Variants in SGCZ observed in about 807,000 individuals in gnomAD.
SGCZ encodes the protein sarcoglycan zeta.
In SGCZ, 40 loss-of-function variants were observed where a neutral mutation model predicts 41.3. The ratio of observed to expected loss-of-function variants is 0.97; its 90% confidence interval spans 0.75 to 1.26. The LOEUF is 1.26. Ranked by LOEUF, SGCZ falls within the 50% of genes most tolerant of loss-of-function variation. The pLI, the probability that SGCZ is intolerant of heterozygous loss-of-function variation, is 0.00. For missense variants in SGCZ, 552 were observed against 369.8 expected (o/e 1.49, Z -4.04); for synonymous variants, 206 against 137.5 (o/e 1.50, Z -3.49).
At chr8:15,061,995 A>T (rs1055783928) in intron 1 of SGCZ, among the ~76,000 whole-genome samples, 6 of 152,274 alleles carry the variant, frequency 3.9e-5, no homozygotes, top group African/African-American at 1.4e-4. Context: ...TCCAAAGTTT[A>T]TTATCTATGA....
chr8:14,209,786 G>A lies in SGCZ; in HGVS notation c.424+27806C>T, dbSNP rs538273474. ...AAACGAGAGCTGGGATCAAAGTTACGTTGGTATTTAAATATTTCTGAATTC... is the reference window on the plus strand; with the variant it reads ...AAACGAGAGCTGGGATCAAAGTTACATTGGTATTTAAATATTTCTGAATTC... On this transcript the variant is annotated intron_variant, in intron 4 of 7. Transcript: ENST00000382080. 5.9e-5 allele frequency among the ~76,000 whole-genome samples: 9 copies of A among 152,070 alleles called. No individual in the cohort carries two copies. The East Asian group carries it at 7.8e-4, about 13-fold the overall frequency.
At chr8:14,251,962 G>C (rs1254806787) in intron 3 of SGCZ, among the ~76,000 whole-genome samples, 2 of 151,912 alleles carry the variant, frequency 1.3e-5, no homozygotes, top group Non-Finnish European at 2.9e-5. Flanking sequence ...CTCCCACCTC[G>C]ACCTCCCAAA....
chr8:14,212,124 A>T lies in SGCZ; in HGVS notation c.424+25468T>A, dbSNP rs562353467. Among the ~76,000 whole-genome samples the T allele has an allele frequency of 9.9e-5, 15 of 152,164 alleles. No homozygotes were observed. In the South Asian group the frequency reaches 3.1e-3, roughly 32 times the overall value. ...TAGCAGACGATTACTGAGGCTTGGC[A>T]TCTCCCAGCCATTCACATTGTAGTA... On this transcript the variant is annotated intron_variant, in intron 4 of 7. Transcript: ENST00000382080.
intron 1 of SGCZ, among the ~76,000 whole-genome samples, chr8:15,145,085 C>G (rs1339388032): frequency 6.6e-6 from 1 of 152,166 alleles, no homozygotes; most frequent in Non-Finnish European, 1.5e-5. Flanking sequence ...CACAGAGTCA[C>G]AAGACATCCT....
intron 2 of SGCZ, among the ~76,000 whole-genome samples, chr8:14,515,734 T>C (rs1469953591): frequency 2.0e-5 from 3 of 152,100 alleles, no homozygotes; most frequent in Non-Finnish European, 2.9e-5. Flanking sequence ...AAATTCAAGG[T>C]GAACACTTTG....
intron 1 of SGCZ, among the ~76,000 whole-genome samples, chr8:14,659,443 T>G (rs1807677798): frequency 6.6e-6 from 1 of 152,180 alleles, no homozygotes; most frequent in East Asian, 1.9e-4. Flanking sequence ...TTTCTCAAAT[T>G]TTTTACAGGG....
intron 1 of SGCZ, among the ~76,000 whole-genome samples, chr8:14,557,538 T>C (rs907472294): frequency 6.6e-6 from 1 of 152,130 alleles, no homozygotes; most frequent in Non-Finnish European, 1.5e-5. Flanking sequence ...TGTTATCTTC[T>C]AGAATTTTTA....
At chr8:14,237,502 C>CA (rs558768549) in intron 4 of SGCZ, 90 bp downstream of exon 4, 15 of 1,214,648 alleles carry the variant, frequency 1.2e-5, no homozygotes, top group South Asian at 1.2e-4. Context: ...ACAACAACAA[C>CA]AACAACGACA....
At chr8:14,665,421 A>T (rs1035938747) in intron 1 of SGCZ, among the ~76,000 whole-genome samples, 1 of 152,142 alleles carries the variant, frequency 6.6e-6, no homozygotes, top group African/African-American at 2.4e-5. Context: ...ATTGTTGGAC[A>T]TTTGGCTTGG....
rs528833796 is a variant in SGCZ, at chr8:14,685,028, C to T, written c.40-130102G>A. On this transcript the variant is annotated intron_variant, in intron 1 of 7. Coordinates refer to ENST00000382080, the MANE Select transcript of SGCZ (RefSeq NM_139167.4). ...ATTATTAATTAGAATTGTCAAAAACCATTAATTTGAAATCTGTAGAGCAAG... is the reference window on the plus strand; with the variant it reads ...ATTATTAATTAGAATTGTCAAAAACTATTAATTTGAAATCTGTAGAGCAAG... Among the ~76,000 whole-genome samples, 32 of 152,200 alleles carry T rather than the reference C, an allele frequency of 2.1e-4. No individual in the cohort carries two copies. The South Asian group carries it at 6.6e-3, about 32-fold the overall frequency.
intron 1 of SGCZ, among the ~76,000 whole-genome samples, chr8:14,684,337 A>G (rs1385206533): frequency 6.6e-6 from 1 of 152,148 alleles, no homozygotes; most frequent in African/African-American, 2.4e-5. Flanking sequence ...GTGGAACCAA[A>G]TCATGTATTG....
In SGCZ at chr8:14,739,926, G is replaced by A. The variant is rs550901977; in HGVS notation, c.40-185000C>T. On this transcript the variant is annotated intron_variant, in intron 1 of 7. Transcript: ENST00000382080. ...GTACCACCCACCAAATAGAGGAGGC[G>A]TAATTTAGTTCTTATATAATAAACA... 5.3e-5 allele frequency among the ~76,000 whole-genome samples: 8 copies of A among 152,012 alleles called. No homozygotes were observed. The South Asian group carries it at 1.0e-3, about 20-fold the overall frequency.
At chr8:14,227,187 C>G (rs1311304465) in intron 4 of SGCZ, among the ~76,000 whole-genome samples, 1 of 152,028 alleles carries the variant, frequency 6.6e-6, no homozygotes, top group African/African-American at 2.4e-5. Flanking sequence ...GAGTGGCAGG[C>G]TGGTCTCTGA....
At chr8:15,177,229 A>G (rs1471012515) in intron 1 of SGCZ, among the ~76,000 whole-genome samples, 1 of 152,226 alleles carries the variant, frequency 6.6e-6, no homozygotes, top group African/African-American at 2.4e-5. Context: ...AGAGAACACA[A>G]TATGACAAAT....
intron 1 of SGCZ, among the ~76,000 whole-genome samples, chr8:15,133,859 C>G (rs1808008446): frequency 6.6e-6 from 1 of 152,062 alleles, no homozygotes; most frequent in Non-Finnish European, 1.5e-5. Flanking sequence ...AGTGTTAAAA[C>G]CACTTAACAA....
At chr8:14,793,710 T>A (rs1801034046) in intron 1 of SGCZ, among the ~76,000 whole-genome samples, 2 of 151,970 alleles carry the variant, frequency 1.3e-5, no homozygotes, top group Non-Finnish European at 2.9e-5. Flanking sequence ...TGAGAAGCAG[T>A]TAGAATATGA....
intron 2 of SGCZ, among the ~76,000 whole-genome samples, chr8:14,515,649 G>T (rs9657241): frequency 0.03 from 4,549 of 152,154 alleles, 173 homozygotes; most frequent in African/African-American, 0.084. Context: ...CTATCTGTAA[G>T]TTTATGTGAG....
intron 1 of SGCZ, among the ~76,000 whole-genome samples, chr8:14,756,112 T>C (rs1563248694): frequency 6.6e-6 from 1 of 151,898 alleles, no homozygotes; most frequent in Non-Finnish European, 1.5e-5. Flanking sequence ...AACAATATTG[T>C]AGAGAAATAA....
chr8:15,084,039 T>C (rs1255870052), intron 1 of SGCZ, among the ~76,000 whole-genome samples: 1 of 152,180 alleles, frequency 6.6e-6, no homozygotes, highest in African/African-American at 2.4e-5. Flanking sequence ...TAGAACACAG[T>C]TGAAAATGTA....
Sources: gnomAD v4.1 joint callset for allele counts (sites outside exome capture counted in the v4.1 genomes callset) on GRCh38, gnomAD v4.1.1 for gene constraint, MANE v1.5 for transcripts, NCBI Gene and HGNC (gene_info 2026-07-23, HGNC 2026-07-21) for gene names.